The following AFF2 variants were observed in gnomAD, a reference collection of about 807,000 sequenced individuals.
AFF2 encodes ALF transcription elongation factor 2.
Under a neutral mutation model 76.9 loss-of-function variants are expected in AFF2, and 14 were observed. The ratio of observed to expected loss-of-function variants is 0.18; its 90% CI spans 0.12 to 0.28. AFF2 has a LOEUF of 0.28. Among genes scored for constraint, AFF2 ranks in the 10% least tolerant of loss-of-function variants. AFF2 has a pLI of 1.00. For synonymous variants in AFF2, 398 were observed against 366.7 expected, an observed-to-expected ratio of 1.09 and a Z score of -0.98; for missense variants, 868 against 1,001.1, an observed-to-expected ratio of 0.87 and a Z score of 1.79.
intron 9 of AFF2, among the ~76,000 whole-genome samples, chrX:148,951,077 T>C (rs977137054): frequency 2.7e-5 from 3 of 111,480 alleles, no homozygotes; most frequent in Non-Finnish European, 3.8e-5. Flanking sequence ...AGCATAGTAC[T>C]TTTTAAAATT....
chrX:148,647,404 A>G (rs2054154557), intron 1 of AFF2, among the ~76,000 whole-genome samples: 1 of 112,021 alleles, frequency 8.9e-6, no homozygotes, highest in Admixed American at 9.5e-5. Flanking sequence ...AACAATGAGT[A>G]TTAGCTTCAT....
chrX:148,854,519 GC>G (rs1346630816), intron 7 of AFF2, among the ~76,000 whole-genome samples: 6 of 111,404 alleles, frequency 5.4e-5, no homozygotes, highest in African/African-American at 2.0e-4. Context: ...AACCCCAGTG[GC>G]CCCAGGGTCC....
chrX:148,969,152 A>C (rs1391753487), intron 15 of AFF2, among the ~76,000 whole-genome samples: 7 of 112,860 alleles, frequency 6.2e-5, no homozygotes, highest in African/African-American at 1.6e-4. Context: ...ATGAACTAAC[A>C]TCACTCTACA....
chrX:148,559,759 T>C (rs1557240226), intron 1 of AFF2, among the ~76,000 whole-genome samples: 1 of 111,912 alleles, frequency 8.9e-6, no homozygotes, highest in African/African-American at 3.2e-5. Flanking sequence ...GTCTTTATAG[T>C]AGAATGATTT....
In AFF2 at chrX:148,578,751, C is replaced by A. The variant is rs140218487; in HGVS notation, c.48-73248C>A. On this transcript the variant is annotated intron_variant, in intron 1 of 20. Transcript: ENST00000370460. ...GGAGACATATCTGTCATGTAACTAG[C>A]ACTTTGCAGGGCAAAAATATTTGAA... 1.5e-3 allele frequency among the ~76,000 whole-genome samples: 164 copies of A among 111,900 alleles called. 1 individual carries two copies. Among genetic ancestry groups the A allele is most frequent in the African/African-American group, 4.7e-3 (146 of 30,841 alleles).
Position 148,991,350 on chromosome X carries a change from C to T in AFF2, c.*18C>T. The stretch of plus-strand genomic sequence containing the variant: ...TGTTGTAGTGGGTGTTCTCAGATCT[C>T]TAGCATCACGACCCATCACTCTACC... On this transcript the variant is annotated 3_prime_UTR_variant, in exon 21 of 21. Coordinates refer to ENST00000370460, the MANE Select transcript of AFF2 (RefSeq NM_002025.4). 1 of 1,189,500 alleles carries T rather than the reference C, an allele frequency of 8.4e-7. No homozygotes were observed. Among genetic ancestry groups the T allele is most frequent in the Non-Finnish European group, 1.1e-6 (1 of 882,376 alleles).
intron 3 of AFF2, among the ~76,000 whole-genome samples, chrX:148,703,627 C>T (rs190209874): frequency 5.4e-5 from 6 of 111,608 alleles, no homozygotes; most frequent in South Asian, 3.7e-4. Context: ...GAACAGACAG[C>T]GTATCAATGG....
At chrX:148,587,750 G>A (rs1349208589) in intron 1 of AFF2, among the ~76,000 whole-genome samples, 1 of 112,347 alleles carries the variant, frequency 8.9e-6, no homozygotes, top group Non-Finnish European at 1.9e-5. Context: ...AAAATCCAGA[G>A]TTATATGCCC....
intron 4 of AFF2, among the ~76,000 whole-genome samples, chrX:148,811,137 G>A (rs2070197422): frequency 9.0e-6 from 1 of 111,331 alleles, no homozygotes; most frequent in Non-Finnish European, 1.9e-5. Flanking sequence ...TAGGGCAGGG[G>A]TTCCCAATCC....
intron 1 of AFF2, among the ~76,000 whole-genome samples, chrX:148,565,207 A>G (rs1023415503): frequency 1.8e-5 from 2 of 111,589 alleles, no homozygotes; most frequent in South Asian, 7.5e-4. Flanking sequence ...GGTTGAATAT[A>G]TATCTGTTCT....
chrX:148,688,854 G>T (rs1332021725), intron 3 of AFF2, among the ~76,000 whole-genome samples: 1 of 111,736 alleles, frequency 8.9e-6, no homozygotes. Context: ...GTAAGTATTT[G>T]TGTATCTAAA....
chrX:148,638,501 G>A (rs1557254203), intron 1 of AFF2, among the ~76,000 whole-genome samples: 1 of 111,578 alleles, frequency 9.0e-6, no homozygotes, highest in African/African-American at 3.3e-5. Flanking sequence ...GACACTTGGG[G>A]ATTACAATTC....
intron 3 of AFF2, among the ~76,000 whole-genome samples, chrX:148,754,335 A>C (rs999335285): frequency 9.0e-6 from 1 of 111,638 alleles, no homozygotes; most frequent in Non-Finnish European, 1.9e-5. Context: ...GCTTCTTAGA[A>C]TCCTAAGAAA....
chrX:148,537,677 C>T (rs1034875500), intron 1 of AFF2, among the ~76,000 whole-genome samples: 6 of 110,466 alleles, frequency 5.4e-5, no homozygotes, highest in African/African-American at 2.0e-4. Context: ...GATCCATTCA[C>T]TGTCAATCCC....
chrX:148,904,414 G>A (rs968765963), intron 9 of AFF2, 156 bp downstream of exon 9: 44 of 411,148 alleles, frequency 1.1e-4, no homozygotes, highest in Admixed American at 3.7e-4. Context: ...ATCCTCCAAT[G>A]AGCAGGGACC....
rs1557292353 is a variant in AFF2 at position 148,991,988 on chromosome X, T to G, written c.*656T>G. On this transcript the variant is annotated 3_prime_UTR_variant, in exon 21 of 21. Transcript: ENST00000370460. Reference sequence around the variant, plus strand: ...TAGCATCCCTTTCCTGATTCCCTATTTTGTTAATTTTAATGATAAGAAGAA... The same window carrying G: ...TAGCATCCCTTTCCTGATTCCCTATGTTGTTAATTTTAATGATAAGAAGAA... The G allele has an allele frequency of 8.9e-6, 1 of 112,074 alleles. No individual in the cohort carries two copies. The highest frequency in any genetic ancestry group is 3.2e-5 in the African/African-American group (1 of 30,806). The allele number at this position is 112,074 out of a possible 1,213,427, so 9.2% of individuals were successfully genotyped here. A position where few individuals can be genotyped will look rare whatever the true frequency, so the allele number is the denominator to read the frequency against.
intron 19 of AFF2, among the ~76,000 whole-genome samples, chrX:148,981,540 AGAGT>A (rs2072392912): frequency 1.8e-5 from 2 of 111,309 alleles, no homozygotes; most frequent in Non-Finnish European, 3.8e-5. Flanking sequence ...TCTCTTATAG[AGAGT>A]GAGTTCGAAT....
intron 1 of AFF2, among the ~76,000 whole-genome samples, chrX:148,549,338 G>A (rs1019390385): frequency 4.5e-5 from 5 of 112,332 alleles, no homozygotes; most frequent in African/African-American, 9.7e-5. Context: ...GGAAATTTTC[G>A]GATATAGCTA....
chrX:148,997,698 AATTGG>A lies in AFF2; in HGVS notation c.*6367_*6371del, dbSNP rs1241002367. On this transcript the variant is annotated 3_prime_UTR_variant, in exon 21 of 21. Transcript: ENST00000370460. ...AAATGGTAACATCCGGGTCTGATTT[AATTGG>A]CATTACACTTACACAGGGACTCTGA... is the stretch of plus-strand genomic sequence containing the variant. The A allele has an allele frequency of 9.0e-6, 1 of 110,796 alleles. No homozygotes were observed. The highest frequency in any genetic ancestry group is 1.9e-5 in the Non-Finnish European group (1 of 52,545). The allele number at this position is 110,796 out of a possible 1,213,427, so 9.1% of individuals were successfully genotyped here.
Sources: gnomAD v4.1 joint callset for allele counts (sites outside exome capture counted in the v4.1 genomes callset) on GRCh38, gnomAD v4.1.1 for gene constraint, MANE v1.5 for transcripts, NCBI Gene and HGNC (gene_info 2026-07-23, HGNC 2026-07-21) for gene names.